The following OTUD7B variants were observed in gnomAD, a reference collection of about 807,000 sequenced individuals.
OTUD7B encodes the protein OTU deubiquitinase 7B, also known as OTU domain-containing protein 7B.
In OTUD7B, 34 loss-of-function variants were observed where a neutral mutation model predicts 82.2. The ratio of observed to expected loss-of-function variants is 0.41; its 90% CI spans 0.31 to 0.55. OTUD7B has a LOEUF of 0.55. Ranked by LOEUF, OTUD7B falls within the 20% of genes least tolerant of loss-of-function variation. The pLI is 0.20. For missense variants in OTUD7B, 944 were observed against 1,062.1 expected, an observed-to-expected ratio of 0.89 and a Z score of 1.55; for synonymous variants, 398 against 402.7, an observed-to-expected ratio of 0.99 and a Z score of 0.14.
intron 11 of OTUD7B, among the ~76,000 whole-genome samples, chr1:149,946,761 G>A (rs1441645266): frequency 0.19 from 750 of 3,996 alleles, 154 homozygotes; most frequent in South Asian, 0.36. Context: ...AAAAAAAAAA[G>A]GACAGGAAAG....
At position 149,967,560 on chromosome 1, in the gene OTUD7B, C is replaced by T. The variant is rs782095237; in HGVS notation, c.275-39G>A. ...TGGAGTCACCTTAGAACATACACAG[C>T]CCACTTGGAGAACTCTACACTGATG... is the stretch of plus-strand genomic sequence containing the variant. On this transcript the variant is annotated intron_variant, in intron 3 of 11. Transcript: ENST00000581312. The T allele has an allele frequency of 8.1e-6, 12 of 1,484,844 alleles. No individual in the cohort carries two copies. The South Asian group carries it at 1.4e-4, about 18-fold the overall frequency. 92.0% of individuals were successfully genotyped at this position (1,484,844 alleles called of 1,614,324 possible).
At chr1:150,035,147 A>AG in the OTUD7B span, among the ~76,000 whole-genome samples, 3 of 151,656 alleles carry the variant, frequency 2.0e-5, no homozygotes, top group East Asian at 5.8e-4. Context: ...TTCATCTCAA[A>AG]AAAAAAAAAG....
the OTUD7B span, among the ~76,000 whole-genome samples, chr1:150,057,585 G>T: frequency 6.6e-6 from 1 of 152,168 alleles, no homozygotes; most frequent in Admixed American, 6.5e-5. Flanking sequence ...ATTGGATGAT[G>T]ACGATACACA....
chr1:149,950,084 G>C lies in OTUD7B; in HGVS notation c.973+10C>G. 1 of 1,613,476 alleles carries C rather than the reference G, an allele frequency of 6.2e-7. No homozygotes were observed. The highest frequency in any genetic ancestry group is 8.5e-7 in the Non-Finnish European group (1 of 1,179,960). ...CTCAGCATGGAGTGAGGACTGACTG[G>C]CTGACTCACCTTCCCCTCCGGAGTC... On this transcript the variant is annotated intron_variant, in intron 8 of 11. Coordinates refer to ENST00000581312, the MANE Select transcript of OTUD7B (RefSeq NM_020205.4).
chr1:150,035,934 A>T, the OTUD7B span, among the ~76,000 whole-genome samples: 4 of 145,770 alleles, frequency 2.7e-5, no homozygotes, highest in Non-Finnish European at 1.5e-5. Flanking sequence ...TCATGTTACT[A>T]TGTGGTCTTC....
the OTUD7B span, among the ~76,000 whole-genome samples, chr1:150,037,249 C>CT: frequency 0.18 from 25,956 of 146,640 alleles, 2,446 homozygotes; most frequent in African/African-American, 0.25. Context: ...AAAATACCCT[C>CT]TTTTTTTTTT....
At chr1:150,063,942 A>C in the OTUD7B span, among the ~76,000 whole-genome samples, 4 of 152,232 alleles carry the variant, frequency 2.6e-5, no homozygotes, top group East Asian at 7.7e-4. Flanking sequence ...ATGATGGAGC[A>C]GGTCAAATCT....
chr1:150,003,551 C>T (rs1318065903), intron 1 of OTUD7B, among the ~76,000 whole-genome samples: 1 of 152,170 alleles, frequency 6.6e-6, no homozygotes, highest in African/African-American at 2.4e-5. Context: ...CCCACTCTCC[C>T]TGCTGCATAC....
chr1:150,040,967 C>A, the OTUD7B span, among the ~76,000 whole-genome samples: 1 of 152,220 alleles, frequency 6.6e-6, no homozygotes, highest in Admixed American at 6.5e-5. Flanking sequence ...TCCTCGGCCT[C>A]CCAAAGTGCT....
At chr1:150,038,203 A>G in the OTUD7B span, among the ~76,000 whole-genome samples, 1 of 152,016 alleles carries the variant, frequency 6.6e-6, no homozygotes, top group Non-Finnish European at 1.5e-5. Context: ...GTGATTACTG[A>G]CACATTTAAA....
At chr1:149,974,082 C>T (rs1553778120) in intron 2 of OTUD7B, among the ~76,000 whole-genome samples, 1 of 151,874 alleles carries the variant, frequency 6.6e-6, no homozygotes, top group African/African-American at 2.4e-5. Context: ...TGGTCTTGAA[C>T]TCAACGGAGT....
chr1:150,046,402 C>A, the OTUD7B span, among the ~76,000 whole-genome samples: 1 of 151,424 alleles, frequency 6.6e-6, no homozygotes. Flanking sequence ...AATTCCCAAC[C>A]CAGTAGCCAG....
chr1:149,992,705 C>CA (rs1213712264), intron 1 of OTUD7B, among the ~76,000 whole-genome samples: 4 of 151,938 alleles, frequency 2.6e-5, no homozygotes, highest in African/African-American at 9.7e-5. Flanking sequence ...CTCCTGGCCT[C>CA]AAGTGATCCA....
chr1:150,067,466 C>G, the OTUD7B span: 1 of 207,346 alleles, frequency 4.8e-6, no homozygotes, highest in African/African-American at 2.3e-5. Context: ...CTCCGTCGTT[C>G]CTGCTTCCAA....
chr1:150,014,921 T>TA (rs201723849), upstream of OTUD7B, among the ~76,000 whole-genome samples: 147,466 of 151,146 alleles, frequency 0.98, 72,002 homozygotes, highest in South Asian at 1. Context: ...TTGCCTCAAT[T>TA]AAAAAAAAAT....
intron 6 of OTUD7B, chr1:149,961,275 T>G (rs947855387): frequency 6.6e-6 from 1 of 152,210 alleles, no homozygotes; most frequent in African/African-American, 2.4e-5. Context: ...TTCCTCCAAA[T>G]AGTCTTCTAA....
At chr1:149,945,581 T>G (rs1164862134) in intron 11 of OTUD7B, among the ~76,000 whole-genome samples, 1 of 152,166 alleles carries the variant, frequency 6.6e-6, no homozygotes, top group Non-Finnish European at 1.5e-5. Flanking sequence ...CTTTTATACA[T>G]TCTGCATTGG....
At chr1:149,995,554 G>C (rs1651869233) in intron 1 of OTUD7B, among the ~76,000 whole-genome samples, 1 of 150,752 alleles carries the variant, frequency 6.6e-6, no homozygotes, top group South Asian at 2.1e-4. Context: ...ACTCCAGCCT[G>C]GGTGACAAAG....
chr1:150,017,202 A>G, the OTUD7B span, among the ~76,000 whole-genome samples: 26 of 152,224 alleles, frequency 1.7e-4, no homozygotes, highest in Non-Finnish European at 3.4e-4. Context: ...AGGATTAGGC[A>G]TTAGGAGAAC....
Sources: gnomAD v4.1 joint callset for allele counts (sites outside exome capture counted in the v4.1 genomes callset) on GRCh38, gnomAD v4.1.1 for gene constraint, MANE v1.5 for transcripts, NCBI Gene and HGNC (gene_info 2026-07-23, HGNC 2026-07-21) for gene names.